The following RCAN2 variants were observed in gnomAD, a reference collection of about 807,000 sequenced individuals.
RCAN2 encodes calcipressin-2.
RCAN2 carries 9 observed loss-of-function variants against 23.6 expected under a neutral mutation model. That is an observed-to-expected ratio of 0.38 (90% CI 0.23 to 0.67). The LOEUF (loss-of-function observed/expected upper bound fraction) is 0.67. Ranked by LOEUF, RCAN2 falls within the 30% of genes least tolerant of loss-of-function variation. The probability of loss-of-function intolerance (pLI) is 0.51; values close to 1 mark genes in which losing one functional copy is unlikely to be tolerated. For missense variants in RCAN2, 273 were observed against 302.3 expected (o/e 0.90, Z 0.72); for synonymous variants, 109 against 115.7 (o/e 0.94, Z 0.37).
chr6:46,481,018 A>G (rs1768844986), intron 1 of RCAN2, among the ~76,000 whole-genome samples: 1 of 152,256 alleles, frequency 6.6e-6, no homozygotes, highest in Admixed American at 6.5e-5. Context: ...CGAATTATTT[A>G]GAATAAATAT....
chr6:46,225,018 T>TGA (rs1562090591), intron 4 of RCAN2, among the ~76,000 whole-genome samples: 1 of 147,536 alleles, frequency 6.8e-6, no homozygotes. Flanking sequence ...CACCTATGAG[T>TGA]GAGAATATGT....
rs1442223 is a variant in RCAN2 at position 46,246,736 on chromosome 6, C to T, written c.571+12G>A. 7.3e-3 allele frequency: 11,699 copies of T among 1,608,876 alleles called. 661 individuals are homozygous for T. The African/African-American group carries it at 0.13, about 17-fold the overall frequency. On this transcript the variant is annotated intron_variant, in intron 4 of 4. Transcript: ENST00000371374. ...ACAAACGTTTATTTTTAAAATGGAC[C>T]GCAAAGCTTACCTGGTCCTAGTTTG...
intron 2 of RCAN2, among the ~76,000 whole-genome samples, chr6:46,293,434 T>C (rs1762629527): frequency 6.6e-6 from 1 of 152,212 alleles, no homozygotes; most frequent in African/African-American, 2.4e-5. Context: ...ATTAGCTATA[T>C]GGTAGCCACA....
chr6:46,428,171 T>C (rs909583877), intron 2 of RCAN2, among the ~76,000 whole-genome samples: 1 of 152,218 alleles, frequency 6.6e-6, no homozygotes, highest in Non-Finnish European at 1.5e-5. Flanking sequence ...TCCTCTCAGA[T>C]AGATGCTTGT....
At chr6:46,248,580 A>G in intron 3 of RCAN2, 143 bp downstream of exon 3, 2 of 671,402 alleles carry the variant, frequency 3.0e-6, no homozygotes, top group Non-Finnish European at 4.7e-6. Context: ...TCTGTCTGGA[A>G]ATCATGATGT....
chr6:46,268,300 C>A (rs996596508), intron 2 of RCAN2, among the ~76,000 whole-genome samples: 4 of 152,294 alleles, frequency 2.6e-5, no homozygotes, highest in African/African-American at 9.6e-5. Context: ...GGTAACTCCA[C>A]AAAATTGAAC....
intron 1 of RCAN2, 145 bp downstream of exon 1, chr6:46,491,028 C>A (rs1412490734): frequency 2.0e-5 from 3 of 149,620 alleles, no homozygotes; most frequent in East Asian, 2.0e-4. Flanking sequence ...CGCCCCCGCC[C>A]CCGCCCCCGC....
At chr6:46,371,727 T>G (rs1475976459) in intron 2 of RCAN2, among the ~76,000 whole-genome samples, 5 of 152,204 alleles carry the variant, frequency 3.3e-5, no homozygotes. Context: ...GAGATCAAGA[T>G]GGAGTCAGCT....
chr6:46,426,266 G>T (rs1049555455), intron 2 of RCAN2, among the ~76,000 whole-genome samples: 1 of 152,034 alleles, frequency 6.6e-6, no homozygotes, highest in African/African-American at 2.4e-5. Flanking sequence ...TTCTTTTATT[G>T]CTATTTTAAA....
At chr6:46,386,684 T>C (rs1765766907) in intron 2 of RCAN2, among the ~76,000 whole-genome samples, 1 of 149,796 alleles carries the variant, frequency 6.7e-6, no homozygotes, top group South Asian at 2.1e-4. Context: ...AGTCAATGGA[T>C]TATTAAAAAC....
chr6:46,463,510 A>C (rs539233672), intron 1 of RCAN2, among the ~76,000 whole-genome samples: 1 of 152,222 alleles, frequency 6.6e-6, no homozygotes, highest in African/African-American at 2.4e-5. Flanking sequence ...CAAACAGGGA[A>C]TCCAAGGAAC....
At chr6:46,340,198 C>G (rs1764268078) in intron 2 of RCAN2, among the ~76,000 whole-genome samples, 1 of 152,178 alleles carries the variant, frequency 6.6e-6, no homozygotes, top group Non-Finnish European at 1.5e-5. Flanking sequence ...ACTACCAAGA[C>G]AGTCTTCGGT....
chr6:46,425,564 A>G (rs953243278), intron 2 of RCAN2, among the ~76,000 whole-genome samples: 1 of 152,254 alleles, frequency 6.6e-6, no homozygotes, highest in Non-Finnish European at 1.5e-5. Context: ...TTTTAAAAAA[A>G]GATATTTTAA....
intron 2 of RCAN2, among the ~76,000 whole-genome samples, chr6:46,345,601 C>T (rs1282020678): frequency 6.6e-6 from 1 of 152,014 alleles, no homozygotes; most frequent in Non-Finnish European, 1.5e-5. Context: ...TTCCTGAAAC[C>T]CTTTTAGGAA....
intron 2 of RCAN2, among the ~76,000 whole-genome samples, chr6:46,449,620 C>T (rs1767816164): frequency 6.6e-6 from 1 of 151,650 alleles, no homozygotes; most frequent in African/African-American, 2.4e-5. Context: ...AACATAAAAA[C>T]AGGCATGTGG....
At chr6:46,335,780 G>A (rs1764120878) in intron 2 of RCAN2, among the ~76,000 whole-genome samples, 1 of 152,160 alleles carries the variant, frequency 6.6e-6, no homozygotes, top group South Asian at 2.1e-4. Flanking sequence ...ATTTTGGTGT[G>A]ATACCTACCT....
chr6:46,331,313 T>C (rs1434756891), intron 2 of RCAN2, among the ~76,000 whole-genome samples: 1 of 152,218 alleles, frequency 6.6e-6, no homozygotes, highest in Non-Finnish European at 1.5e-5. Flanking sequence ...ACTCAGTTTT[T>C]TTTTTTCATG....
At chr6:46,325,324 ATGC>A in intron 2 of RCAN2, 1 of 1,565,476 alleles carries the variant, frequency 6.4e-7, no homozygotes, top group Non-Finnish European at 8.7e-7. Flanking sequence ...TTATTTCTTC[ATGC>A]TAAAAAGGCT....
chr6:46,250,121 T>G (rs1766660716), intron 2 of RCAN2, among the ~76,000 whole-genome samples: 1 of 152,190 alleles, frequency 6.6e-6, no homozygotes. Flanking sequence ...GAGATGAGTA[T>G]CACATTGTTC....
Sources: allele counts gnomAD v4.1 joint callset (sites outside exome capture counted in the v4.1 genomes callset), GRCh38; gene constraint gnomAD v4.1.1; transcripts MANE v1.5; gene names NCBI Gene and HGNC (gene_info 2026-07-23, HGNC 2026-07-21).